HHAT: variants seen among roughly 807,000 people sequenced by gnomAD.
HHAT encodes the protein hedgehog acyltransferase.
HHAT carries 47 observed loss-of-function variants against 70.8 expected under a neutral mutation model. The observed-to-expected ratio is 0.66, with a 90% confidence interval of 0.53 to 0.85. HHAT has a LOEUF of 0.85. Ranked by LOEUF, HHAT falls within the 40% of genes least tolerant of loss-of-function variation. The pLI is 0.00. For missense variants in HHAT, 609 were observed against 604.8 expected, an observed-to-expected ratio of 1.01 and a Z score of -0.07; for synonymous variants, 228 against 247.6, an observed-to-expected ratio of 0.92 and a Z score of 0.74.
intron 3 of HHAT, among the ~76,000 whole-genome samples, chr1:210,363,563 C>CA (rs1413521537): frequency 6.6e-6 from 1 of 152,100 alleles, no homozygotes; most frequent in Non-Finnish European, 1.5e-5. Context: ...TTTCTCCCAC[C>CA]AGAACCCCTG....
chr1:210,351,605 T>C (rs556474663), intron 2 of HHAT, among the ~76,000 whole-genome samples: 1 of 152,336 alleles, frequency 6.6e-6, no homozygotes, highest in South Asian at 2.1e-4. Flanking sequence ...TTTCATGTAT[T>C]GTCAGCTGGG....
At chr1:210,443,456 A>G (rs1423255305) in intron 7 of HHAT, among the ~76,000 whole-genome samples, 1 of 148,070 alleles carries the variant, frequency 6.8e-6, no homozygotes, top group African/African-American at 2.5e-5. Context: ...TTTTCATGAT[A>G]TGGATTCTTC....
intron 8 of HHAT, among the ~76,000 whole-genome samples, chr1:210,509,139 A>T (rs554388188): frequency 4.6e-5 from 7 of 152,348 alleles, no homozygotes; most frequent in African/African-American, 1.7e-4. Context: ...TAACTGCAAT[A>T]TGCAGATTGA....
At chr1:210,365,912 G>A (rs1050873030) in intron 3 of HHAT, among the ~76,000 whole-genome samples, 1 of 144,664 alleles carries the variant, frequency 6.9e-6, no homozygotes, top group Non-Finnish European at 1.5e-5. Context: ...CACCATGCCT[G>A]GCCACATTTT....
At chr1:210,608,888 G>A (rs1666037250) in intron 10 of HHAT, among the ~76,000 whole-genome samples, 1 of 152,098 alleles carries the variant, frequency 6.6e-6, no homozygotes, top group Non-Finnish European at 1.5e-5. Context: ...TGGCTGGGGA[G>A]GCCTCAGGAA....
At chr1:210,661,966 T>C (rs1180581443) in intron 11 of HHAT, among the ~76,000 whole-genome samples, 1 of 152,168 alleles carries the variant, frequency 6.6e-6, no homozygotes, top group Non-Finnish European at 1.5e-5. Flanking sequence ...ACAGGTACTG[T>C]AGAACTTAAA....
At position 210,549,124 on chromosome 1, in the gene HHAT, T is replaced by TGCTTTCCCCCTTC. The variant is rs1553266974; in HGVS notation, c.1043+35936_1043+35937insGCTTTCCCCCTTC. ...AGTTTGCTCACCTGTAAAATTGGGA[T>TGCTTTCCCCCTTC]AATAACGGCATTTACCTTGTAGGGT... On this transcript the variant is annotated intron_variant, in intron 9 of 11. Transcript: ENST00000261458. 2.1e-3 allele frequency among the ~76,000 whole-genome samples: 323 copies of TGCTTTCCCCCTTC among 150,608 alleles called. 9 individuals are homozygous for TGCTTTCCCCCTTC. The highest frequency in any genetic ancestry group is 9.4e-3 in the East Asian group (44 of 4,694).
intron 9 of HHAT, among the ~76,000 whole-genome samples, chr1:210,530,478 C>T (rs1050881791): frequency 6.6e-6 from 1 of 152,102 alleles, no homozygotes; most frequent in East Asian, 1.9e-4. Context: ...ATTCAAATAC[C>T]CTTTCCTGAA....
At chr1:210,618,227 A>T (rs1573775017) in intron 10 of HHAT, among the ~76,000 whole-genome samples, 2 of 152,212 alleles carry the variant, frequency 1.3e-5, no homozygotes, top group South Asian at 4.2e-4. Flanking sequence ...AGTCCTCCTG[A>T]CTTTCAGTGT....
At position 210,391,434 on chromosome 1, in the gene HHAT, C is replaced by T. The variant is rs538894810; in HGVS notation, c.273+3853C>T. Among the ~76,000 whole-genome samples, 158 of 151,994 alleles carry T rather than the reference C, an allele frequency of 1.0e-3. 1 individual carries two copies. The highest frequency in any genetic ancestry group is 1.9e-3 in the Non-Finnish European group (127 of 67,982). ...AGGAAAACACTGATAAATTTAACTA[C>T]GCTAAAATTAAAAACTTTTTATCTA... On this transcript the variant is annotated intron_variant, in intron 4 of 11. Transcript: ENST00000261458.
intron 3 of HHAT, among the ~76,000 whole-genome samples, chr1:210,370,306 C>G (rs535823854): frequency 7.3e-5 from 11 of 151,332 alleles, no homozygotes; most frequent in African/African-American, 2.7e-4. Context: ...TCCCAAGTAC[C>G]TGGGATTACA....
At chr1:210,536,754 A>G (rs1317278) in intron 9 of HHAT, among the ~76,000 whole-genome samples, 223 of 152,338 alleles carry the variant, frequency 1.5e-3, no homozygotes, top group African/African-American at 4.8e-3. Flanking sequence ...GACCTTTGCC[A>G]TACAGCAGGA....
intron 10 of HHAT, among the ~76,000 whole-genome samples, chr1:210,600,951 C>T (rs980110371): frequency 7.2e-5 from 11 of 151,840 alleles, no homozygotes; most frequent in African/African-American, 2.7e-4. Flanking sequence ...GCCTCTTTGC[C>T]CCAAGAGTGT....
rs999184662 is a variant in HHAT at position 210,350,948 on chromosome 1, C to CT, written c.91+1886dup. Among the ~76,000 whole-genome samples, 56 of 152,104 alleles carry CT rather than the reference C, an allele frequency of 3.7e-4. 1 individual carries two copies. Among genetic ancestry groups the CT allele is most frequent in the African/African-American group, 1.3e-3 (52 of 41,476 alleles). The stretch of plus-strand genomic sequence containing the variant: ...CCCTCTATTCCTAGTTTTCTGAGAG[C>CT]TTTTGTTATGAATGACTGTATTAGT... On this transcript the variant is annotated intron_variant, in intron 2 of 11. Transcript: ENST00000261458.
At position 210,386,241 on chromosome 1, in the gene HHAT, T is replaced by TTTTC. The variant is rs1558409553; in HGVS notation, c.160-1224_160-1223insCTTT. On this transcript the variant is annotated intron_variant, in intron 3 of 11. Transcript: ENST00000261458. Reference sequence around the variant, plus strand: ...CCTTTTCTTTTTTTCTTTTTTTTTTTTTTTTTTTTTTTTTTGAGACAGAGT... The same window carrying TTTTC: ...CCTTTTCTTTTTTTCTTTTTTTTTTTTTTCTTTTTTTTTTTTTTTGAGACAGAGT... Among the ~76,000 whole-genome samples, 72 of 104,594 alleles carry TTTTC rather than the reference T, an allele frequency of 6.9e-4. 4 individuals are homozygous for TTTTC. The East Asian group carries it at 0.014, about 20-fold the overall frequency. 68.6% of individuals were successfully genotyped at this position (104,594 alleles called of 152,430 possible).
chr1:210,395,163 G>C lies in HHAT; in HGVS notation c.274-5305G>C, dbSNP rs535345148. Among the ~76,000 whole-genome samples the C allele has an allele frequency of 9.2e-5, 14 of 152,176 alleles. No individual in the cohort carries two copies. The South Asian group carries it at 2.9e-3, about 32-fold the overall frequency. On this transcript the variant is annotated intron_variant, in intron 4 of 11. Transcript: ENST00000261458. ...GCAGATGTGCAAAAAGAATTAATAG[G>C]CAGGGACGTCTGATAATGTTGCCAA...
At chr1:210,651,730 G>A (rs991167711) in intron 11 of HHAT, among the ~76,000 whole-genome samples, 6 of 152,208 alleles carry the variant, frequency 3.9e-5, no homozygotes, top group Non-Finnish European at 8.8e-5. Context: ...CTGCTACACT[G>A]CAATAGGAAT....
At chr1:210,489,011 T>C (rs913194878) in intron 8 of HHAT, among the ~76,000 whole-genome samples, 2 of 149,982 alleles carry the variant, frequency 1.3e-5, no homozygotes, top group Admixed American at 6.6e-5. Context: ...TACTAAAAAG[T>C]GGATAACAGA....
intron 7 of HHAT, among the ~76,000 whole-genome samples, chr1:210,451,112 G>A (rs1558542367): frequency 6.8e-6 from 1 of 146,786 alleles, no homozygotes; most frequent in Non-Finnish European, 1.5e-5. Flanking sequence ...AAAAAAAGTT[G>A]TTTGTAGCAC....
Sources: allele counts gnomAD v4.1 joint callset (sites outside exome capture counted in the v4.1 genomes callset), GRCh38; gene constraint gnomAD v4.1.1; transcripts MANE v1.5; gene names NCBI Gene and HGNC (gene_info 2026-07-23, HGNC 2026-07-21).